Variants in RBFOX1 observed in about 807,000 individuals in gnomAD.
The protein encoded by RBFOX1 is RNA binding protein fox-1 homolog 1.
RBFOX1 carries 8 observed loss-of-function variants against 57.7 expected under a neutral mutation model. The observed-to-expected ratio is 0.14, with a 90% CI of 0.08 to 0.25. RBFOX1 has a LOEUF of 0.25. Among genes scored for constraint, RBFOX1 ranks in the 10% least tolerant of loss-of-function variants. RBFOX1 has a pLI of 1.00. For synonymous variants in RBFOX1, 326 were observed against 222.4 expected (o/e 1.47, Z -4.15); for missense variants, 611 against 548.5 (o/e 1.11, Z -1.14).
At chr16:7,654,569 T>G (rs532324893) in intron 12 of RBFOX1, among the ~76,000 whole-genome samples, 2 of 152,316 alleles carry the variant, frequency 1.3e-5, no homozygotes, top group East Asian at 3.9e-4. Context: ...CATTGCCAAT[T>G]TGGTCCTTCT....
intron 1 of RBFOX1, among the ~76,000 whole-genome samples, chr16:5,348,722 AGG>A (rs1163175417): frequency 6.6e-5 from 10 of 152,244 alleles, no homozygotes; most frequent in African/African-American, 2.2e-4. Flanking sequence ...GTTAATAATG[AGG>A]ACCCCTTTTC....
At chr16:6,917,053 G>T (rs528107632) in intron 3 of RBFOX1, among the ~76,000 whole-genome samples, 5 of 152,116 alleles carry the variant, frequency 3.3e-5, no homozygotes, top group Non-Finnish European at 7.4e-5. Flanking sequence ...TCACCATGTT[G>T]TTGGACAGGC....
At chr16:5,824,891 G>A (rs2055981318) in intron 3 of RBFOX1, among the ~76,000 whole-genome samples, 2 of 152,176 alleles carry the variant, frequency 1.3e-5, no homozygotes, top group South Asian at 2.1e-4. Flanking sequence ...TTTCCTGGGG[G>A]ACTCCAGTGA....
In RBFOX1 at chr16:7,094,136, C is replaced by G. The variant is rs1567230478; in HGVS notation, c.27+42038C>G. On this transcript the variant is annotated intron_variant, in intron 4 of 15. Transcript: ENST00000550418. ...ACATTTTGAGTGGTGTTTCACTTAC[C>G]TTTAGAAAATTTTCCAAACCTTCAG... 2.0e-5 allele frequency among the ~76,000 whole-genome samples: 3 copies of G among 151,100 alleles called. No homozygotes were observed. The South Asian group carries it at 6.3e-4, about 32-fold the overall frequency.
intron 13 of RBFOX1, among the ~76,000 whole-genome samples, chr16:7,675,319 T>G (rs1215799443): frequency 1.3e-5 from 2 of 152,058 alleles, no homozygotes; most frequent in Admixed American, 1.3e-4. Context: ...CCATTCCTAA[T>G]TGGAGAACAT....
chr16:6,329,552 T>A (rs2152804531), intron 2 of RBFOX1, among the ~76,000 whole-genome samples: 1 of 152,296 alleles, frequency 6.6e-6, no homozygotes, highest in Middle Eastern at 3.4e-3. Context: ...AAGGCGATTG[T>A]CTTCATCAGG....
At chr16:5,381,678 A>C (rs1259318700) in intron 1 of RBFOX1, among the ~76,000 whole-genome samples, 1 of 152,244 alleles carries the variant, frequency 6.6e-6, no homozygotes, top group Non-Finnish European at 1.5e-5. Flanking sequence ...GACTCTTGGC[A>C]TGGTGCCCAA....
At chr16:6,929,079 C>T (rs530222006) in intron 3 of RBFOX1, among the ~76,000 whole-genome samples, 1 of 152,276 alleles carries the variant, frequency 6.6e-6, no homozygotes, top group African/African-American at 2.4e-5. Context: ...GCTTGCCCCA[C>T]TCCCCAGTCT....
chr16:6,259,958 C>CAA (rs57516778), intron 1 of RBFOX1, among the ~76,000 whole-genome samples: 20 of 70,054 alleles, frequency 2.9e-4, no homozygotes, highest in African/African-American at 4.7e-4. Flanking sequence ...GAGACTGTCT[C>CAA]AAAAAAAAAA....
intron 2 of RBFOX1, among the ~76,000 whole-genome samples, chr16:5,594,091 A>G (rs2047102496): frequency 6.6e-6 from 1 of 151,890 alleles, no homozygotes; most frequent in Admixed American, 6.6e-5. Flanking sequence ...TACTGGCGCC[A>G]TCATTGGGAA....
chr16:5,693,757 T>G (rs2050765615), intron 3 of RBFOX1, among the ~76,000 whole-genome samples: 2 of 152,164 alleles, frequency 1.3e-5, no homozygotes, highest in African/African-American at 2.4e-5. Flanking sequence ...CTGGCTATGA[T>G]TCTTTTTGCG....
At chr16:6,668,756 T>C (rs1222008980) in intron 3 of RBFOX1, among the ~76,000 whole-genome samples, 1 of 152,188 alleles carries the variant, frequency 6.6e-6, no homozygotes, top group African/African-American at 2.4e-5. Context: ...GCTTACATTT[T>C]AATATCATTA....
intron 4 of RBFOX1, among the ~76,000 whole-genome samples, chr16:5,920,551 C>G (rs1459972139): frequency 3.3e-5 from 5 of 152,104 alleles, no homozygotes; most frequent in Admixed American, 3.3e-4. Flanking sequence ...CCATGGTAGC[C>G]TTGACCTGGC....
chr16:6,136,849 T>C (rs1476713864), intron 1 of RBFOX1, among the ~76,000 whole-genome samples: 1 of 152,208 alleles, frequency 6.6e-6, no homozygotes, highest in Non-Finnish European at 1.5e-5. Flanking sequence ...TGTATAATAT[T>C]GAAAAATAGT....
chr16:5,511,639 C>T (rs2043596743), intron 2 of RBFOX1, among the ~76,000 whole-genome samples: 1 of 152,102 alleles, frequency 6.6e-6, no homozygotes, highest in Non-Finnish European at 1.5e-5. Flanking sequence ...TCCAGTTTAT[C>T]CCCATTTTAT....
intron 4 of RBFOX1, among the ~76,000 whole-genome samples, chr16:7,170,030 T>C (rs1244005248): frequency 1.3e-5 from 2 of 152,118 alleles, no homozygotes; most frequent in Non-Finnish European, 2.9e-5. Context: ...ACCAAGATTG[T>C]GCCAATGCAC....
intron 1 of RBFOX1, among the ~76,000 whole-genome samples, chr16:6,227,473 G>A (rs896711229): frequency 9.2e-5 from 14 of 152,132 alleles, no homozygotes; most frequent in Non-Finnish European, 1.5e-4. Context: ...TGATTTCTCA[G>A]GGTTTTTTTT....
intron 13 of RBFOX1, chr16:7,671,545 G>A (rs780590680): frequency 6.2e-6 from 10 of 1,603,186 alleles, no homozygotes; most frequent in South Asian, 1.1e-5. Context: ...TTACATTTCT[G>A]TTTCCTTATA....
intron 1 of RBFOX1, among the ~76,000 whole-genome samples, chr16:5,397,608 A>G (rs796934937): frequency 1.1e-4 from 16 of 152,332 alleles, no homozygotes; most frequent in African/African-American, 3.8e-4. Flanking sequence ...AAAAGACTCA[A>G]TTTCTTCAAT....
Sources: allele counts gnomAD v4.1 joint callset (sites outside exome capture counted in the v4.1 genomes callset), GRCh38; gene constraint gnomAD v4.1.1; transcripts MANE v1.5; gene names NCBI Gene and HGNC (gene_info 2026-07-23, HGNC 2026-07-21).